GALNT13: variants seen among roughly 807,000 people sequenced by gnomAD.
The protein encoded by GALNT13 is UDP-GalNAc:polypeptide N-acetylgalactosaminyltransferase 13.
A neutral mutation model predicts 64.2 loss-of-function variants in GALNT13; 28 were observed. The observed-to-expected ratio is 0.44, with a 90% CI of 0.32 to 0.60. The LOEUF (loss-of-function observed/expected upper bound fraction) is 0.60, where lower values mean the gene tolerates loss of function less well. GALNT13 is among the 20% of genes least tolerant of loss of function. The pLI is 0.05. For synonymous variants in GALNT13, 214 were observed against 224.6 expected, an observed-to-expected ratio of 0.95 and a Z score of 0.42; for missense variants, 577 against 669.8, an observed-to-expected ratio of 0.86 and a Z score of 1.53.
chr2:153,781,206 C>T, the GALNT13 span, among the ~76,000 whole-genome samples: 1 of 152,170 alleles, frequency 6.6e-6, no homozygotes, highest in East Asian at 1.9e-4. Context: ...TATCACATAG[C>T]CTAAATATTA....
intron 11 of GALNT13, among the ~76,000 whole-genome samples, chr2:154,409,776 G>A (rs987913815): frequency 1.4e-4 from 22 of 151,902 alleles, no homozygotes; most frequent in African/African-American, 5.3e-4. Context: ...ATCTACAGAA[G>A]TTTAGGAGAA....
chr2:153,460,752 A>G, the GALNT13 span, among the ~76,000 whole-genome samples: 1 of 152,176 alleles, frequency 6.6e-6, no homozygotes, highest in Non-Finnish European at 1.5e-5. Flanking sequence ...CTGACTAAAT[A>G]GAATGCATTA....
the GALNT13 span, among the ~76,000 whole-genome samples, chr2:153,838,240 A>G: frequency 6.6e-6 from 1 of 151,822 alleles, no homozygotes; most frequent in Admixed American, 6.6e-5. Context: ...CTCTGCAGAA[A>G]CTTTTTAGTT....
chr2:154,443,257 A>G (rs1206353921), intron 12 of GALNT13, among the ~76,000 whole-genome samples: 1 of 152,104 alleles, frequency 6.6e-6, no homozygotes, highest in Non-Finnish European at 1.5e-5. Context: ...GATTAGCGTC[A>G]TATTTGTAGT....
chr2:153,916,921 A>G (rs1326045061), intron 2 of GALNT13, among the ~76,000 whole-genome samples: 1 of 152,202 alleles, frequency 6.6e-6, no homozygotes, highest in African/African-American at 2.4e-5. Flanking sequence ...GTTAAGGTCT[A>G]TGATAGCAGC....
chr2:153,748,570 T>C, the GALNT13 span, among the ~76,000 whole-genome samples: 3 of 152,194 alleles, frequency 2.0e-5, no homozygotes, highest in African/African-American at 7.2e-5. Context: ...TTTTTATGTC[T>C]TCTTTTGAGA....
the GALNT13 span, among the ~76,000 whole-genome samples, chr2:153,751,081 G>A: frequency 6.6e-6 from 1 of 151,686 alleles, no homozygotes; most frequent in Non-Finnish European, 1.5e-5. Context: ...GGTCATTCAG[G>A]AGCATATTCT....
chr2:153,856,246 T>C, the GALNT13 span, among the ~76,000 whole-genome samples: 1 of 2,930 alleles, frequency 3.4e-4, no homozygotes, highest in South Asian at 5.3e-3. Context: ...TCAATAAAGC[T>C]GTGATAGGTA....
At chr2:153,480,003 AATAC>A in the GALNT13 span, among the ~76,000 whole-genome samples, 1 of 152,186 alleles carries the variant, frequency 6.6e-6, no homozygotes. Context: ...CTTCCAATAG[AATAC>A]ATTTACTTTC....
the GALNT13 span, among the ~76,000 whole-genome samples, chr2:153,591,306 G>A: frequency 6.6e-6 from 1 of 151,978 alleles, no homozygotes; most frequent in Non-Finnish European, 1.5e-5. Flanking sequence ...GAAATAGTAG[G>A]TGACACAAAT....
At chr2:154,066,446 A>G (rs1700466071) in intron 3 of GALNT13, among the ~76,000 whole-genome samples, 1 of 152,026 alleles carries the variant, frequency 6.6e-6, no homozygotes, top group African/African-American at 2.4e-5. Flanking sequence ...TCAAACTCTC[A>G]AAGGTGAAAG....
At chr2:153,222,751 C>G in the GALNT13 span, among the ~76,000 whole-genome samples, 1 of 152,178 alleles carries the variant, frequency 6.6e-6, no homozygotes, top group African/African-American at 2.4e-5. Flanking sequence ...TGCGCATACC[C>G]GGGCTGTGAC....
the GALNT13 span, among the ~76,000 whole-genome samples, chr2:153,687,834 C>A: frequency 6.6e-6 from 1 of 151,826 alleles, no homozygotes; most frequent in African/African-American, 2.4e-5. Context: ...ACTGCCTTAC[C>A]AAGTTACCAA....
chr2:153,166,621 A>ATGTG, the GALNT13 span, among the ~76,000 whole-genome samples: 9,116 of 122,540 alleles, frequency 0.074, 461 homozygotes, highest in South Asian at 0.1. Flanking sequence ...TGCCTACTGC[A>ATGTG]TGTGTGTGTG....
At chr2:153,246,092 A>G in the GALNT13 span, among the ~76,000 whole-genome samples, 1 of 149,198 alleles carries the variant, frequency 6.7e-6, no homozygotes, top group Non-Finnish European at 1.5e-5. Flanking sequence ...TGAAGACAAG[A>G]TTGGAGAAAA....
the GALNT13 span, among the ~76,000 whole-genome samples, chr2:153,830,808 A>G: frequency 6.6e-6 from 1 of 152,150 alleles, no homozygotes; most frequent in African/African-American, 2.4e-5. Context: ...AGAATTATAC[A>G]TTATATCTAA....
intron 3 of GALNT13, among the ~76,000 whole-genome samples, chr2:154,000,415 T>G (rs1695827993): frequency 6.6e-6 from 1 of 152,060 alleles, no homozygotes. Context: ...ATTTGAAACC[T>G]TTCTTCTTTT....
intron 4 of GALNT13, among the ~76,000 whole-genome samples, chr2:154,239,478 T>C (rs1276962965): frequency 6.6e-6 from 1 of 152,124 alleles, no homozygotes; most frequent in Non-Finnish European, 1.5e-5. Flanking sequence ...TGATTAGGTT[T>C]TTTTAATGAG....
intron 3 of GALNT13, among the ~76,000 whole-genome samples, chr2:154,125,489 A>G (rs1364850824): frequency 1.3e-5 from 2 of 152,204 alleles, no homozygotes; most frequent in Non-Finnish European, 2.9e-5. Context: ...TTATAATTAA[A>G]TGTGTAATTT....
Sources: gnomAD v4.1 joint callset for allele counts (sites outside exome capture counted in the v4.1 genomes callset) on GRCh38, gnomAD v4.1.1 for gene constraint, MANE v1.5 for transcripts, NCBI Gene and HGNC (gene_info 2026-07-23, HGNC 2026-07-21) for gene names.